The following ZNF385B variants were observed in gnomAD, a reference collection of about 807,000 sequenced individuals.
ZNF385B encodes zinc finger protein 385B, also known as zinc finger protein 533.
ZNF385B carries 23 observed loss-of-function variants against 39.2 expected under a neutral mutation model. The observed-to-expected ratio is 0.59, with a 90% confidence interval of 0.42 to 0.83. The LOEUF is 0.83. ZNF385B is among the 40% of genes least tolerant of loss of function. The probability of loss-of-function intolerance (pLI) is 0.00; values close to 1 mark genes in which losing one functional copy is unlikely to be tolerated. For missense variants in ZNF385B, 552 were observed against 598.9 expected (o/e 0.92, Z 0.82); for synonymous variants, 205 against 222.6 (o/e 0.92, Z 0.70).
chr2:179,472,038 T>C (rs926560007), intron 6 of ZNF385B, among the ~76,000 whole-genome samples: 2 of 152,258 alleles, frequency 1.3e-5, no homozygotes, highest in Non-Finnish European at 2.9e-5. Context: ...TTTTTCTTGC[T>C]TTGTATTTAG....
At chr2:179,816,238 T>C (rs376228658) in intron 1 of ZNF385B, among the ~76,000 whole-genome samples, 21 of 152,314 alleles carry the variant, frequency 1.4e-4, no homozygotes, top group African/African-American at 4.8e-4. Context: ...CCACTTCAAA[T>C]AGAGCTGCAA....
intron 6 of ZNF385B, among the ~76,000 whole-genome samples, chr2:179,468,871 C>A (rs2052415456): frequency 6.6e-6 from 1 of 152,052 alleles, no homozygotes; most frequent in Admixed American, 6.6e-5. Context: ...GACCTACGTA[C>A]TTACTGCCTG....
At chr2:179,718,917 T>C (rs1330084563) in intron 3 of ZNF385B, among the ~76,000 whole-genome samples, 12 of 151,780 alleles carry the variant, frequency 7.9e-5, no homozygotes, top group African/African-American at 1.7e-4. Flanking sequence ...GAAGATAATG[T>C]GAAGATTACA....
intron 6 of ZNF385B, among the ~76,000 whole-genome samples, chr2:179,478,517 A>G (rs1321449803): frequency 6.6e-6 from 1 of 152,232 alleles, no homozygotes; most frequent in Non-Finnish European, 1.5e-5. Flanking sequence ...TTCTATTGTT[A>G]TATTTCAACA....
intron 5 of ZNF385B, among the ~76,000 whole-genome samples, chr2:179,498,663 A>C (rs1170808715): frequency 6.6e-6 from 1 of 152,068 alleles, no homozygotes; most frequent in African/African-American, 2.4e-5. Context: ...CAACATACCC[A>C]AACCATGGGA....
intron 1 of ZNF385B, among the ~76,000 whole-genome samples, chr2:179,824,362 C>T (rs1252701359): frequency 6.6e-6 from 1 of 152,102 alleles, no homozygotes; most frequent in Non-Finnish European, 1.5e-5. Flanking sequence ...AGAAAGGGTG[C>T]TTGGGAGTCA....
intron 1 of ZNF385B, chr2:179,802,608 A>G (rs561986094): frequency 6.6e-6 from 1 of 152,204 alleles, no homozygotes; most frequent in Admixed American, 6.6e-5. Context: ...CACAAATTAA[A>G]CCTCACAGAC....
intron 3 of ZNF385B, among the ~76,000 whole-genome samples, chr2:179,757,971 G>A (rs986018387): frequency 7.2e-5 from 11 of 151,866 alleles, no homozygotes; most frequent in Admixed American, 4.6e-4. Flanking sequence ...TCACTGTCCC[G>A]CACCCACTGT....
At chr2:179,823,122 A>G (rs142463273) in intron 1 of ZNF385B, among the ~76,000 whole-genome samples, 15 of 152,282 alleles carry the variant, frequency 9.9e-5, no homozygotes, top group Admixed American at 3.9e-4. Flanking sequence ...AAATATTCCA[A>G]TTCACTAACC....
chr2:179,662,020 TAA>T (rs1238453481), intron 3 of ZNF385B, among the ~76,000 whole-genome samples: 1 of 152,190 alleles, frequency 6.6e-6, no homozygotes, highest in Admixed American at 6.5e-5. Context: ...GCTTTAATAA[TAA>T]AAGTCATTAA....
At chr2:179,835,256 T>A (rs1466261904) in intron 1 of ZNF385B, among the ~76,000 whole-genome samples, 3 of 152,136 alleles carry the variant, frequency 2.0e-5, no homozygotes, top group Admixed American at 2.0e-4. Context: ...AGAAAAGAGA[T>A]AAAGCAAAAG....
intron 1 of ZNF385B, among the ~76,000 whole-genome samples, chr2:179,857,884 G>A (rs1009696391): frequency 2.6e-5 from 4 of 152,036 alleles, no homozygotes; most frequent in African/African-American, 9.7e-5. Flanking sequence ...ACCAACCAAC[G>A]AGATCAAAGT....
chr2:179,450,499 A>C (rs1235829961), intron 6 of ZNF385B, among the ~76,000 whole-genome samples: 3 of 152,256 alleles, frequency 2.0e-5, no homozygotes, highest in Non-Finnish European at 4.4e-5. Flanking sequence ...AAATGAAAAA[A>C]TGCTCATCAT....
At chr2:179,494,485 TTTTC>T (rs2055938036) in intron 5 of ZNF385B, among the ~76,000 whole-genome samples, 1 of 152,134 alleles carries the variant, frequency 6.6e-6, no homozygotes, top group African/African-American at 2.4e-5. Context: ...AAAAACATAA[TTTTC>T]TTAACGGATA....
At chr2:179,645,867 A>AT (rs937851203) in intron 3 of ZNF385B, among the ~76,000 whole-genome samples, 1 of 151,860 alleles carries the variant, frequency 6.6e-6, no homozygotes, top group Non-Finnish European at 1.5e-5. Context: ...GTGAAACTGT[A>AT]TTTTTTTTCA....
intron 1 of ZNF385B, among the ~76,000 whole-genome samples, chr2:179,785,459 T>G (rs1296082955): frequency 3.3e-5 from 5 of 152,108 alleles, no homozygotes; most frequent in Non-Finnish European, 7.4e-5. Flanking sequence ...CTCTGGTGAA[T>G]CCAAAGAAAA....
intron 3 of ZNF385B, among the ~76,000 whole-genome samples, chr2:179,696,326 C>CTTATTTTTTTTTTTT (rs1698743638): frequency 2.5e-5 from 1 of 40,354 alleles, no homozygotes; most frequent in Non-Finnish European, 4.1e-5. Context: ...CAAACTGGGA[C>CTTATTTTTTTTTTTT]TTTTTTTTTT....
At chr2:179,688,766 T>C (rs1013057984) in intron 3 of ZNF385B, among the ~76,000 whole-genome samples, 1 of 152,206 alleles carries the variant, frequency 6.6e-6, no homozygotes. Context: ...ATCTCTTGAA[T>C]GTACTCCTCC....
intron 1 of ZNF385B, among the ~76,000 whole-genome samples, chr2:179,781,505 G>A (rs769895015): frequency 1.3e-5 from 2 of 152,078 alleles, no homozygotes; most frequent in African/African-American, 2.4e-5. Flanking sequence ...ATTCCAGAAG[G>A]ATTGCAAATC....
Sources: gnomAD v4.1 joint callset for allele counts (sites outside exome capture counted in the v4.1 genomes callset) on GRCh38, gnomAD v4.1.1 for gene constraint, MANE v1.5 for transcripts, NCBI Gene and HGNC (gene_info 2026-07-23, HGNC 2026-07-21) for gene names.